SNX27: variants seen among roughly 807,000 people sequenced by gnomAD.
SNX27 encodes the protein sorting nexin-27.
SNX27 carries 22 observed loss-of-function variants against 71.6 expected under a neutral mutation model. The observed-to-expected ratio is 0.31, with a 90% CI of 0.22 to 0.44. The LOEUF is 0.44. Ranked by LOEUF, SNX27 falls within the 20% of genes least tolerant of loss-of-function variation. The probability of loss-of-function intolerance (pLI) is 1.00; values close to 1 mark genes in which losing one functional copy is unlikely to be tolerated. For missense variants in SNX27, 531 were observed against 698.6 expected (o/e 0.76, Z 2.70); for synonymous variants, 269 against 277.2 (o/e 0.97, Z 0.29).
At chr1:151,633,169 G>A (rs1668318842) in intron 1 of SNX27, among the ~76,000 whole-genome samples, 1 of 152,058 alleles carries the variant, frequency 6.6e-6, no homozygotes, top group African/African-American at 2.4e-5. Flanking sequence ...ACCGCGCTCG[G>A]CCAATAAACT....
intron 2 of SNX27, among the ~76,000 whole-genome samples, chr1:151,647,066 T>C (rs1056949360): frequency 1.2e-4 from 19 of 152,292 alleles, no homozygotes; most frequent in South Asian, 6.2e-4. Context: ...GGCTTCAGGA[T>C]TGTCAGTTAA....
At chr1:151,674,005 CTGT>C (rs1670555525) in intron 7 of SNX27, among the ~76,000 whole-genome samples, 1 of 151,946 alleles carries the variant, frequency 6.6e-6, no homozygotes. Context: ...CACTGTATGT[CTGT>C]TGATTGAAGA....
Position 151,692,443 on chromosome 1 carries a change from C to T in SNX27, c.1248C>T (p.Asn416=). Residue 416 remains asparagine, a synonymous_variant, in exon 9 of 12, where the codon AAC becomes AAT. Coordinates refer to ENST00000458013, the MANE Select transcript of SNX27 (RefSeq NM_001330723.2). ...YEQRKMVMYL[N]MLRTCEGYNE... is the part of the protein sequence containing the mutation. ...TTTTTTTTTTTTTTTAGTACCTCAA[C>T]ATGCTAAGGACTTGTGAGGGCTACA... The T allele has an allele frequency of 2.2e-6, 1 of 449,434 alleles. No individual in the cohort carries two copies. The highest frequency in any genetic ancestry group is 6.3e-5 in the East Asian group (1 of 15,940). The allele number at this position is 449,434 out of a possible 1,614,324, so 27.8% of individuals were successfully genotyped here.
Position 151,696,625 on chromosome 1 carries a change from T to C in SNX27, c.*2208T>C, listed in dbSNP as rs1294946057. The C allele has an allele frequency of 6.7e-6, 1 of 149,694 alleles. No individual in the cohort carries two copies. Among genetic ancestry groups the C allele is most frequent in the Non-Finnish European group, 1.5e-5 (1 of 67,716 alleles). 9.3% of individuals were successfully genotyped at this position (149,694 alleles called of 1,614,324 possible). A position where few individuals can be genotyped will look rare whatever the true frequency, so the allele number is the denominator to read the frequency against. ...AAATCATTGTGAGGCCACTTTTCTTTCCCCTTCCTTCCTTCCTTTTTTTCT... is the reference window on the plus strand; with the variant it reads ...AAATCATTGTGAGGCCACTTTTCTTCCCCCTTCCTTCCTTCCTTTTTTTCT... On this transcript the variant is annotated 3_prime_UTR_variant, in exon 12 of 12. Transcript: ENST00000458013.
chr1:151,632,446 G>A lies in SNX27; in HGVS notation c.312-6442G>A, dbSNP rs542035172. 3.2e-4 allele frequency among the ~76,000 whole-genome samples: 48 copies of A among 152,244 alleles called. 1 individual carries two copies. The highest frequency in any genetic ancestry group is 1.1e-3 in the African/African-American group (47 of 41,542). ...GCTGGGATTACAGGCATGAGCCACC[G>A]CACCTGGACATGTTGCTGAGGTTTT... is the stretch of plus-strand genomic sequence containing the variant. On this transcript the variant is annotated intron_variant, in intron 1 of 11. Transcript: ENST00000458013.
At chr1:151,670,642 T>TC (rs1670418669) in intron 7 of SNX27, among the ~76,000 whole-genome samples, 1 of 152,198 alleles carries the variant, frequency 6.6e-6, no homozygotes, top group African/African-American at 2.4e-5. Flanking sequence ...TCTTTTTTTT[T>TC]CCTGTTGAGT....
chr1:151,620,623 C>T (rs1667626459), intron 1 of SNX27, among the ~76,000 whole-genome samples: 1 of 151,626 alleles, frequency 6.6e-6, no homozygotes, highest in Non-Finnish European at 1.5e-5. Flanking sequence ...TAACTTTCAT[C>T]CTTGTGTGCT....
intron 8 of SNX27, 45 bp downstream of exon 8, chr1:151,683,490 C>T (rs940851117): frequency 1.0e-5 from 14 of 1,397,428 alleles, no homozygotes; most frequent in African/African-American, 1.4e-5. Flanking sequence ...CCCCTTCCTA[C>T]CTTTAAAACC....
chr1:151,674,210 G>GT (rs201033873), intron 7 of SNX27, among the ~76,000 whole-genome samples: 2,387 of 151,628 alleles, frequency 0.016, 57 homozygotes, highest in African/African-American at 0.053. Context: ...TGTATTTGTT[G>GT]TATGTTTGTA....
intron 1 of SNX27, among the ~76,000 whole-genome samples, chr1:151,615,208 G>C (rs1206407386): frequency 6.6e-6 from 1 of 152,130 alleles, no homozygotes; most frequent in Non-Finnish European, 1.5e-5. Flanking sequence ...CCTGGCATTG[G>C]TTTCTCACTC....
intron 2 of SNX27, among the ~76,000 whole-genome samples, chr1:151,643,264 T>TTTTTTTTATTTATTTATTTA (rs1425028915): frequency 2.2e-5 from 3 of 139,110 alleles, no homozygotes; most frequent in Admixed American, 7.4e-5. Flanking sequence ...ACGCCTGGCC[T>TTTTTTTTATTTATTTATTTA]TTTATTTATT....
At chr1:151,638,620 A>T (rs1668577524) in intron 1 of SNX27, among the ~76,000 whole-genome samples, 1 of 152,134 alleles carries the variant, frequency 6.6e-6, no homozygotes, top group Non-Finnish European at 1.5e-5. Flanking sequence ...GCCTCTTTCC[A>T]TGTGCGTTCC....
At chr1:151,644,153 C>T (rs985068561) in intron 2 of SNX27, among the ~76,000 whole-genome samples, 4 of 152,234 alleles carry the variant, frequency 2.6e-5, no homozygotes, top group Non-Finnish European at 5.9e-5. Context: ...ATCCAGTCTG[C>T]TCTACTTTTA....
rs529420062 is a variant in SNX27, at chr1:151,666,225, A to G, written c.985+214A>G. 27 of 366,264 alleles carry G rather than the reference A, an allele frequency of 7.4e-5. No individual in the cohort carries two copies. In the South Asian group the frequency reaches 3.0e-3, roughly 41 times the overall value. The allele number at this position is 366,264 out of a possible 1,614,324, so 22.7% of individuals were successfully genotyped here. On this transcript the variant is annotated intron_variant, in intron 6 of 11. Coordinates refer to ENST00000458013, the MANE Select transcript of SNX27 (RefSeq NM_001330723.2). ...TTGTAAGTATAGGTTATAACTAGCA[A>G]TGAATCGGAAGATGCTTTCATGAGG...
intron 1 of SNX27, chr1:151,615,960 T>G (rs1386018280): frequency 3.1e-6 from 1 of 320,078 alleles, no homozygotes; most frequent in East Asian, 1.7e-4. Context: ...ATGGTTCAGT[T>G]TGCCTTTTCT....
intron 7 of SNX27, chr1:151,678,573 A>G (rs1161220152): frequency 6.6e-6 from 1 of 152,160 alleles, no homozygotes; most frequent in Non-Finnish European, 1.5e-5. Context: ...GGGTGTGCAG[A>G]TATCTTGTTG....
chr1:151,688,992 C>G (rs2102735617), intron 8 of SNX27, among the ~76,000 whole-genome samples: 1 of 152,258 alleles, frequency 6.6e-6, no homozygotes, highest in Middle Eastern at 3.4e-3. Context: ...CACAGGTGCC[C>G]TTAGTTTTCA....
At chr1:151,649,668 G>A (rs1292389962) in intron 2 of SNX27, among the ~76,000 whole-genome samples, 1 of 151,992 alleles carries the variant, frequency 6.6e-6, no homozygotes, top group Non-Finnish European at 1.5e-5. Flanking sequence ...TCTTTTCTAT[G>A]GATTATTTTA....
chr1:151,614,258 G>C (rs556832307), intron 1 of SNX27: 1 of 151,898 alleles, frequency 6.6e-6, no homozygotes, highest in Non-Finnish European at 1.5e-5. Context: ...TCTGTAAATA[G>C]ATGCTTTCTT....
Sources: gnomAD v4.1 joint callset for allele counts (sites outside exome capture counted in the v4.1 genomes callset) on GRCh38, gnomAD v4.1.1 for gene constraint, MANE v1.5 for transcripts, NCBI Gene and HGNC (gene_info 2026-07-23, HGNC 2026-07-21) for gene names.